Variants in MAPK10 observed in about 807,000 individuals in gnomAD.
MAPK10 encodes the protein JNK3 alpha protein kinase.
MAPK10 carries 25 observed loss-of-function variants against 59.3 expected under a neutral mutation model. The observed-to-expected ratio is 0.42, with a 90% confidence interval of 0.31 to 0.59. The LOEUF is 0.59. Ranked by LOEUF, MAPK10 falls within the 20% of genes least tolerant of loss-of-function variation. The pLI, the probability that MAPK10 is intolerant of heterozygous loss-of-function variation, is 0.15. For missense variants in MAPK10, 351 were observed against 568.9 expected (o/e 0.62, Z 3.90); for synonymous variants, 190 against 200.5 (o/e 0.95, Z 0.44).
intron 1 of MAPK10, among the ~76,000 whole-genome samples, chr4:86,559,973 C>T (rs959966377): frequency 8.6e-5 from 13 of 151,230 alleles, no homozygotes; most frequent in Non-Finnish European, 1.8e-4. Flanking sequence ...AGTCACTCAC[C>T]TTCCTTATAA....
chr4:86,463,365 G>T (rs1751914819), intron 1 of MAPK10, among the ~76,000 whole-genome samples: 2 of 152,188 alleles, frequency 1.3e-5, no homozygotes, highest in Non-Finnish European at 2.9e-5. Context: ...GGAAAGTGTT[G>T]CCATAAGGCA....
At chr4:86,490,953 A>G (rs1754410058) in intron 1 of MAPK10, among the ~76,000 whole-genome samples, 1 of 152,202 alleles carries the variant, frequency 6.6e-6, no homozygotes, top group African/African-American at 2.4e-5. Context: ...GGAAAAAAGG[A>G]TGAGTAATAC....
rs528505920 is a variant in MAPK10 at position 86,295,223 on chromosome 4, C to A, written c.-7+59307G>T. On this transcript the variant is annotated intron_variant, in intron 2 of 13. Transcript: ENST00000641462. ...CAACACGGTGTTTGTTGTTTAACCC[C>A]CTCGGGCCCCACGCCCTCTGCCTGG... Among the ~76,000 whole-genome samples, 20 of 152,268 alleles carry A rather than the reference C, an allele frequency of 1.3e-4. No individual in the cohort carries two copies. In the East Asian group the frequency reaches 3.7e-3, roughly 28 times the overall value.
At chr4:86,557,594 A>G (rs114607303) in intron 1 of MAPK10, among the ~76,000 whole-genome samples, 7,120 of 152,154 alleles carry the variant, frequency 0.047, 221 homozygotes, top group African/African-American at 0.059. Context: ...AAATTTAATA[A>G]TATTTTGAAG....
chr4:86,364,706 T>C (rs1737553377), upstream of MAPK10, among the ~76,000 whole-genome samples: 3 of 152,092 alleles, frequency 2.0e-5, no homozygotes, highest in African/African-American at 2.4e-5. Context: ...CTTGGTCAGG[T>C]GTGGTGTCTC....
rs202119785 is a variant in MAPK10 at position 86,055,223 on chromosome 4, TA to T, written c.1110+9042del. Among the ~76,000 whole-genome samples the T allele has an allele frequency of 1.3e-3, 195 of 150,808 alleles. 3 individuals carry two copies. Among genetic ancestry groups the T allele is most frequent in the Middle Eastern group, 3.4e-3 (1 of 292 alleles). On this transcript the variant is annotated intron_variant, in intron 11 of 13. Coordinates refer to ENST00000641462, the MANE Select transcript of MAPK10 (RefSeq NM_138982.4). ...AAACATATTATGGAAATAAAATCAC[TA>T]ACATGCTAAACATTACAGATACTTG... is the stretch of plus-strand genomic sequence containing the variant.
At chr4:86,094,095 G>C (rs1279615659) in intron 9 of MAPK10, among the ~76,000 whole-genome samples, 1 of 151,744 alleles carries the variant, frequency 6.6e-6, no homozygotes, top group African/African-American at 2.4e-5. Flanking sequence ...ATTTCAAAGA[G>C]GTAAGAAGAA....
At chr4:86,184,586 G>A (rs1268117897) in intron 3 of MAPK10, among the ~76,000 whole-genome samples, 1 of 152,110 alleles carries the variant, frequency 6.6e-6, no homozygotes, top group Non-Finnish European at 1.5e-5. Context: ...CTGGTGGGAG[G>A]TGTTTGGGTC....
intron 1 of MAPK10, among the ~76,000 whole-genome samples, chr4:86,533,732 C>T (rs1758016282): frequency 1.3e-5 from 2 of 152,210 alleles, no homozygotes; most frequent in Admixed American, 6.5e-5. Flanking sequence ...ACCTTAAAAT[C>T]AAGTGTATTA....
chr4:86,078,608 C>T (rs1034960760), intron 9 of MAPK10, among the ~76,000 whole-genome samples: 74 of 149,252 alleles, frequency 5.0e-4, no homozygotes, highest in African/African-American at 1.6e-3. Flanking sequence ...TATATATACA[C>T]ACACACACAC....
chr4:86,412,497 T>C (rs895314714), intron 1 of MAPK10, among the ~76,000 whole-genome samples: 1 of 152,234 alleles, frequency 6.6e-6, no homozygotes, highest in Non-Finnish European at 1.5e-5. Flanking sequence ...AAGAGTGTTT[T>C]CTAACTTGGT....
rs371205133 is a variant in MAPK10, at chr4:86,063,591, A to G, written c.1110+675T>C. Among the ~76,000 whole-genome samples the G allele has an allele frequency of 3.9e-5, 6 of 152,182 alleles. No homozygotes were observed. The East Asian group carries it at 9.6e-4, about 24-fold the overall frequency. ...GCCCTGCTCAGCCCTGGATCCATAC[A>G]GAGGAAAGGAGAGAGGTAAAGATGA... On this transcript the variant is annotated intron_variant, in intron 11 of 13. Transcript: ENST00000641462.
Position 86,377,359 on chromosome 4 carries a change from C to T in MAPK10, c.-121-22715G>A, listed in dbSNP as rs186730631. Among the ~76,000 whole-genome samples, 51 of 152,270 alleles carry T rather than the reference C, an allele frequency of 3.3e-4. 1 individual carries two copies. The highest frequency in any genetic ancestry group is 1.2e-3 in the African/African-American group (50 of 41,558). ...AAGAAAAGGTGATTCTCATGATTCT[C>T]CAAGTGCTGCAGAGAAGCTGACCTG... is the stretch of plus-strand genomic sequence containing the variant. On this transcript the variant is annotated intron_variant, in intron 1 of 13. Coordinates refer to the MAPK10 transcript ENST00000361569.
chr4:86,531,751 G>A (rs1055132594), intron 1 of MAPK10, among the ~76,000 whole-genome samples: 1 of 152,194 alleles, frequency 6.6e-6, no homozygotes, highest in African/African-American at 2.4e-5. Context: ...AAAGCATCCA[G>A]GATTGGGGGA....
At chr4:86,577,214 G>C (rs776214456) in intron 1 of MAPK10, among the ~76,000 whole-genome samples, 1 of 152,026 alleles carries the variant, frequency 6.6e-6, no homozygotes, top group Non-Finnish European at 1.5e-5. Context: ...GGGAGGCTGA[G>C]GTAGGAGGAT....
intron 1 of MAPK10, among the ~76,000 whole-genome samples, chr4:86,510,177 A>G (rs1756109870): frequency 6.6e-6 from 1 of 152,082 alleles, no homozygotes; most frequent in Admixed American, 6.5e-5. Flanking sequence ...GCTGGAGTGC[A>G]GTGGTGCTCA....
chr4:86,563,100 A>C (rs1362867690), intron 1 of MAPK10, among the ~76,000 whole-genome samples: 1 of 152,226 alleles, frequency 6.6e-6, no homozygotes, highest in Non-Finnish European at 1.5e-5. Context: ...TTGAGCACTT[A>C]GTAAATATTT....
chr4:86,387,223 T>C (rs1206987292), intron 1 of MAPK10, among the ~76,000 whole-genome samples: 1 of 152,036 alleles, frequency 6.6e-6, no homozygotes, highest in Non-Finnish European at 1.5e-5. Flanking sequence ...AAGTGGGCAA[T>C]GATGATTGTC....
chr4:86,098,448 C>T lies in MAPK10; in HGVS notation c.802+76G>A, dbSNP rs555046061. On this transcript the variant is annotated intron_variant, in intron 9 of 13. Transcript: ENST00000641462. ...AACTTTTTGCTTCTATCTTTACTCT[C>T]CTGGTAAAATCATTATGTGTTTAAA... is the stretch of plus-strand genomic sequence containing the variant. The T allele has an allele frequency of 7.3e-4, 1,170 of 1,599,610 alleles. 1 individual carries two copies. The highest frequency in any genetic ancestry group is 1.4e-3 in the Admixed American group (81 of 58,318).
Sources: gnomAD v4.1 joint callset for allele counts (sites outside exome capture counted in the v4.1 genomes callset) on GRCh38, gnomAD v4.1.1 for gene constraint, MANE v1.5 for transcripts, NCBI Gene and HGNC (gene_info 2026-07-23, HGNC 2026-07-21) for gene names.